Variants in TMEM67 observed in about 807,000 individuals in gnomAD.
TMEM67 encodes transmembrane protein 67, also known as meckelin.
TMEM67 carries 124 observed loss-of-function variants against 136.6 expected under a neutral mutation model. The observed-to-expected ratio is 0.91, with a 90% CI of 0.78 to 1.05. TMEM67 has a LOEUF of 1.05. Among genes scored for constraint, TMEM67 ranks in the 50% least tolerant of loss-of-function variants. The pLI is 0.00. For missense variants in TMEM67, 1,107 were observed against 1,178.4 expected (o/e 0.94, Z 0.89); for synonymous variants, 364 against 390.5 (o/e 0.93, Z 0.80).
chr8:93,780,851 A>G (rs1311367176), intron 8 of TMEM67, 23 bp from the exon 9 acceptor site: 2 of 1,593,892 alleles, frequency 1.3e-6, no homozygotes, highest in Admixed American at 3.3e-5. Flanking sequence ...CTCCATTATT[A>G]AAACAGTTGT....
At chr8:93,831,193 T>C in the TMEM67 span, among the ~76,000 whole-genome samples, 1 of 152,202 alleles carries the variant, frequency 6.6e-6, no homozygotes, top group Non-Finnish European at 1.5e-5. Context: ...CCCATGTGAG[T>C]GGACCAGGCC....
intron 12 of TMEM67, 112 bp from the exon 13 acceptor site, chr8:93,786,111 C>A: frequency 1.0e-6 from 1 of 983,364 alleles, no homozygotes. Flanking sequence ...AGTTAGAGAA[C>A]GCCATTGTCA....
At chr8:93,791,352 A>G in intron 15 of TMEM67, 33 bp downstream of exon 15, 1 of 1,389,658 alleles carries the variant, frequency 7.2e-7, no homozygotes, top group Non-Finnish European at 1.0e-6. Flanking sequence ...AAATATATAC[A>G]GTGTATTTTA....
At chr8:93,819,439 GA>G (rs1809008880), downstream of TMEM67, among the ~76,000 whole-genome samples, 1 of 152,144 alleles carries the variant, frequency 6.6e-6, no homozygotes, top group Admixed American at 6.5e-5. Context: ...CTCTGGGAGG[GA>G]GGGTTTTTTT....
In TMEM67 at chr8:93,759,377, C is replaced by T. The variant is rs532848698; in HGVS notation, c.406+801C>T. 6.0e-5 allele frequency: 9 copies of T among 149,740 alleles called. No individual in the cohort carries two copies. In the South Asian group the frequency reaches 1.3e-3, roughly 21 times the overall value. The allele number at this position is 149,740 out of a possible 1,614,324, so 9.3% of individuals were successfully genotyped here. A position where few individuals can be genotyped will look rare whatever the true frequency, so the allele number is the denominator to read the frequency against. On this transcript the variant is annotated intron_variant, in intron 3 of 27. Transcript: ENST00000453321. The stretch of plus-strand genomic sequence containing the variant: ...ACTCGAGAGGCAAAGGTGGGAAGAT[C>T]GCTTGAGCCTGGAAGGTCAAGGCTA...
intron 4 of TMEM67, among the ~76,000 whole-genome samples, chr8:93,764,794 C>T (rs1373748306): frequency 6.6e-6 from 1 of 152,064 alleles, no homozygotes; most frequent in Non-Finnish European, 1.5e-5. Flanking sequence ...TTATGTCATG[C>T]CCCAGCCCGA....
the TMEM67 span, among the ~76,000 whole-genome samples, chr8:93,825,262 C>A: frequency 1.3e-5 from 2 of 152,122 alleles, no homozygotes; most frequent in East Asian, 3.8e-4. Flanking sequence ...GTGCGACATT[C>A]CAGAGAAGGA....
the TMEM67 span, among the ~76,000 whole-genome samples, chr8:93,829,145 T>C: frequency 6.6e-6 from 1 of 152,210 alleles, no homozygotes; most frequent in Non-Finnish European, 1.5e-5. Context: ...TTATCATCAT[T>C]GCCCTAGGAG....
At chr8:93,787,321 T>G (rs1814157001) in intron 13 of TMEM67, among the ~76,000 whole-genome samples, 1 of 152,124 alleles carries the variant, frequency 6.6e-6, no homozygotes, top group Non-Finnish European at 1.5e-5. Flanking sequence ...TTGCCCAGAC[T>G]GGTCTTGAAC....
chr8:93,803,547 T>C, intron 21 of TMEM67, 57 bp from the exon 22 acceptor site: 1 of 1,181,144 alleles, frequency 8.5e-7, no homozygotes, highest in Middle Eastern at 2.0e-4. Context: ...ACTGTGGCTG[T>C]AAAAGAAAAT....
the TMEM67 span, among the ~76,000 whole-genome samples, chr8:93,829,249 C>G: frequency 2.5e-4 from 38 of 152,146 alleles, no homozygotes; most frequent in Admixed American, 2.2e-3. Flanking sequence ...GCATAGTTTT[C>G]TTCTTCCTGT....
chr8:93,763,130 A>G (rs554411416), intron 3 of TMEM67: 9 of 257,310 alleles, frequency 3.5e-5, no homozygotes, highest in Non-Finnish European at 7.1e-5. Context: ...AGGTTTTGCC[A>G]TATTGGCCAG....
downstream of TMEM67, among the ~76,000 whole-genome samples, chr8:93,823,770 A>T (rs1271267261): frequency 5.3e-5 from 8 of 152,196 alleles, no homozygotes; most frequent in Non-Finnish European, 1.2e-4. Flanking sequence ...GAAGAAAATT[A>T]AGTGCCTTAT....
chr8:93,815,423 C>T lies in TMEM67; in HGVS notation c.2883C>T (p.Ser961=). 1 of 1,612,584 alleles carries T rather than the reference C, an allele frequency of 6.2e-7. No individual in the cohort carries two copies. Among genetic ancestry groups the T allele is most frequent in the Admixed American group, 1.7e-5 (1 of 59,922 alleles). The change falls in exon 27 of 28, where the codon TCC becomes TCT. Residue 961 remains serine (S), a synonymous_variant. Coordinates refer to ENST00000453321, the MANE Select transcript of TMEM67 (RefSeq NM_153704.6). The part of the protein sequence containing the change: ...DLACQNFILA[S]FLTYLQQEIF... ...CTTGCCAAAATTTTATTTTAGCATC[C>T]TTCCTTACATATCTACAACAAGAGG...
At chr8:93,822,860 A>G (rs543047669), downstream of TMEM67, among the ~76,000 whole-genome samples, 58 of 152,374 alleles carry the variant, frequency 3.8e-4, 2 homozygotes, top group South Asian at 0.012. Context: ...TGATTCAGGA[A>G]TCTTCCTTCA....
In TMEM67 at chr8:93,785,196, C is replaced by G. The variant is rs1252799132; in HGVS notation, c.1132-26C>G. On this transcript the variant is annotated intron_variant, in intron 11 of 27. Transcript: ENST00000453321. Reference sequence around the variant, plus strand: ...GTACTTTAAGTTGCTGTTTTATGTGCTTTTATTTTTAATTTTACTTTTCAG... The same window carrying G: ...GTACTTTAAGTTGCTGTTTTATGTGGTTTTATTTTTAATTTTACTTTTCAG... 2.8e-6 allele frequency: 4 copies of G among 1,404,368 alleles called. No homozygotes were observed. In the African/African-American group the frequency reaches 4.3e-5, roughly 15 times the overall value. The allele number at this position is 1,404,368 out of a possible 1,614,324, so 87.0% of individuals were successfully genotyped here.
intron 6 of TMEM67, among the ~76,000 whole-genome samples, chr8:93,771,676 A>G (rs1239213648): frequency 2.6e-5 from 4 of 152,234 alleles, no homozygotes; most frequent in Non-Finnish European, 4.4e-5. Flanking sequence ...TTGCTTTATA[A>G]AAGTATCATG....
chr8:93,762,845 T>A, intron 3 of TMEM67: 1 of 332,644 alleles, frequency 3.0e-6, no homozygotes, highest in Non-Finnish European at 6.2e-6. Context: ...GCATAAATGT[T>A]TCATACACAA....
In TMEM67 at chr8:93,755,008, C is replaced by G; in HGVS notation, c.94C>G (p.Arg32Gly). ...VTAFLLLFLP[R>G]FLQAQTFSFP... is the part of the protein sequence containing the mutation. ...CGCGTTCCTTCTGTTGTTCCTCCCTCGCTTCTTACAGGCCCAGACCTTCTC... is the reference window on the plus strand; with the variant it reads ...CGCGTTCCTTCTGTTGTTCCTCCCTGGCTTCTTACAGGCCCAGACCTTCTC... The change falls in exon 1 of 28, where the codon CGC becomes GGC. Residue 32 changes from arginine (R) to glycine (G), a missense_variant. This residue lies in a region of TMEM67 where 178 missense variants were observed against 159.2 expected (regional missense o/e 1.12). Coordinates refer to ENST00000453321, the MANE Select transcript of TMEM67 (RefSeq NM_153704.6). The G allele has an allele frequency of 6.2e-7, 1 of 1,614,204 alleles. No homozygotes were observed.
Sources: gnomAD v4.1 joint callset for allele counts (sites outside exome capture counted in the v4.1 genomes callset) on GRCh38, gnomAD v4.1.1 for gene constraint, gnomAD v4.1.1 regional missense constraint, MANE v1.5 for transcripts, NCBI Gene and HGNC (gene_info 2026-07-23, HGNC 2026-07-21) for gene names.